ANXA8: variants seen among roughly 807,000 people sequenced by gnomAD.
ANXA8 encodes VAC-beta.
ANXA8 carries 9 observed loss-of-function variants against 26.8 expected under a neutral mutation model. That is an observed-to-expected ratio of 0.34 (90% confidence interval 0.20 to 0.59). The LOEUF is 0.59. Among genes scored for constraint, ANXA8 ranks in the 20% least tolerant of loss-of-function variants. The probability of loss-of-function intolerance (pLI) is 0.84; values close to 1 mark genes in which losing one functional copy is unlikely to be tolerated. For missense variants in ANXA8, 83 were observed against 238.5 expected, an observed-to-expected ratio of 0.35 and a Z score of 4.29; for synonymous variants, 39 against 94.8, an observed-to-expected ratio of 0.41 and a Z score of 3.42.
At chr10:47,618,143 T>C in the ANXA8 span, among the ~76,000 whole-genome samples, 1 of 109,940 alleles carries the variant, frequency 9.1e-6, no homozygotes, top group African/African-American at 3.6e-5. Context: ...CTGTGCTTAA[T>C]GAATGGAGGT....
the ANXA8 span, among the ~76,000 whole-genome samples, chr10:47,506,557 T>G: frequency 7.0e-6 from 1 of 142,214 alleles, no homozygotes; most frequent in Non-Finnish European, 1.5e-5. Flanking sequence ...CTCAAACTCC[T>G]GACCTCAAGT....
chr10:47,543,888 T>G, the ANXA8 span, among the ~76,000 whole-genome samples: 1 of 139,082 alleles, frequency 7.2e-6, no homozygotes, highest in Admixed American at 7.2e-5. Context: ...AGACACCAGA[T>G]GGGAGACGAC....
chr10:47,666,291 G>T, the ANXA8 span, among the ~76,000 whole-genome samples: 6 of 148,420 alleles, frequency 4.0e-5, no homozygotes, highest in Non-Finnish European at 7.4e-5. Flanking sequence ...TCAAATAAAC[G>T]TTTCAAGATC....
the ANXA8 span, among the ~76,000 whole-genome samples, chr10:47,670,378 C>G: frequency 1.3e-5 from 2 of 151,920 alleles, no homozygotes; most frequent in Non-Finnish European, 2.9e-5. Flanking sequence ...GTATATAGCT[C>G]GGTGTGGAAT....
intron 11 of ANXA8, among the ~76,000 whole-genome samples, chr10:47,470,238 A>G (rs1223574627): frequency 6.6e-6 from 1 of 151,742 alleles, no homozygotes; most frequent in Non-Finnish European, 1.5e-5. Context: ...TCTACACTAA[A>G]AAGAAACGTT....
At chr10:47,743,331 TATATATATAC>T in the ANXA8 span, among the ~76,000 whole-genome samples, 2 of 80,054 alleles carry the variant, frequency 2.5e-5, no homozygotes, top group Non-Finnish European at 4.8e-5. Flanking sequence ...TATATATACA[TATATATATAC>T]ATATATATAT....
chr10:47,502,509 G>T, the ANXA8 span: 1 of 1,613,140 alleles, frequency 6.2e-7, no homozygotes, highest in African/African-American at 1.3e-5. Flanking sequence ...AGATGCTGTT[G>T]GCTAGCTCAT....
chr10:47,486,426 CA>C (rs1840048570), upstream of ANXA8, among the ~76,000 whole-genome samples: 1 of 139,790 alleles, frequency 7.2e-6, no homozygotes, highest in African/African-American at 2.6e-5. Flanking sequence ...GGAAATGAAG[CA>C]CAGACACTAA....
chr10:47,551,001 G>A, the ANXA8 span, among the ~76,000 whole-genome samples: 5 of 148,944 alleles, frequency 3.4e-5, no homozygotes, highest in Admixed American at 1.3e-4. Flanking sequence ...AAAAATATAA[G>A]TAACTTGTCA....
the ANXA8 span, chr10:47,543,795 G>C: frequency 9.6e-6 from 2 of 207,636 alleles, 1 homozygote; most frequent in African/African-American, 5.2e-5. Flanking sequence ...GCAGAAATAA[G>C]GAAGCACCGT....
the ANXA8 span, chr10:47,588,569 T>G: frequency 1.9e-4 from 27 of 142,376 alleles, no homozygotes; most frequent in East Asian, 4.6e-3. Context: ...TTGTGGGGAC[T>G]TGGCAAGGTC....
chr10:47,894,893 C>T, the ANXA8 span, among the ~76,000 whole-genome samples: 90 of 151,716 alleles, frequency 5.9e-4, no homozygotes, highest in Admixed American at 5.8e-3. Flanking sequence ...ACAACACACA[C>T]ACAAAATACA....
chr10:47,557,101 G>T, the ANXA8 span, among the ~76,000 whole-genome samples: 5 of 131,130 alleles, frequency 3.8e-5, no homozygotes, highest in Non-Finnish European at 7.9e-5. Context: ...CTGTCTCCTG[G>T]GTTCAAGCAA....
At chr10:47,650,218 A>G in the ANXA8 span, among the ~76,000 whole-genome samples, 1 of 149,688 alleles carries the variant, frequency 6.7e-6, no homozygotes, top group Non-Finnish European at 1.5e-5. Flanking sequence ...AAAAAAAAAA[A>G]AAAAGAAAGA....
At chr10:47,733,207 T>TTCTCTCTCTCTCTCTCTC in the ANXA8 span, among the ~76,000 whole-genome samples, 17 of 89,956 alleles carry the variant, frequency 1.9e-4, no homozygotes, top group Non-Finnish European at 2.9e-4. Context: ...CTTTCTTTCT[T>TTCTCTCTCTCTCTCTCTC]TCTTTCTTTC....
At chr10:47,705,980 C>A in the ANXA8 span, among the ~76,000 whole-genome samples, 1 of 150,820 alleles carries the variant, frequency 6.6e-6, no homozygotes, top group Non-Finnish European at 1.5e-5. Context: ...GTGCTGACGC[C>A]GGCCGGTCAC....
upstream of ANXA8, among the ~76,000 whole-genome samples, chr10:47,486,339 A>G (rs1283503200): frequency 4.1e-5 from 6 of 145,816 alleles, no homozygotes; most frequent in Non-Finnish European, 7.5e-5. Flanking sequence ...AAGACAAATG[A>G]GGGTCCTCCC....
chr10:47,536,198 G>A, the ANXA8 span, among the ~76,000 whole-genome samples: 1 of 3,528 alleles, frequency 2.8e-4, no homozygotes, highest in Non-Finnish European at 4.8e-4. Flanking sequence ...GGATGATGAC[G>A]GTGTCTCCAT....
chr10:47,940,840 G>A, the ANXA8 span, among the ~76,000 whole-genome samples: 2,634 of 111,832 alleles, frequency 0.024, 14 homozygotes, highest in African/African-American at 0.09. Flanking sequence ...AAAAAAAAAA[G>A]AAAAGAAAAG....
Sources: gnomAD v4.1 joint callset for allele counts (sites outside exome capture counted in the v4.1 genomes callset) on GRCh38, gnomAD v4.1.1 for gene constraint, MANE v1.5 for transcripts, NCBI Gene and HGNC (gene_info 2026-07-23, HGNC 2026-07-21) for gene names.